Variants in GPR155 observed in about 807,000 individuals in gnomAD.
GPR155 encodes lysosomal cholesterol signaling protein.
In GPR155, 65 loss-of-function variants were observed where a neutral mutation model predicts 93.1. The ratio of observed to expected loss-of-function variants is 0.70; its 90% CI spans 0.57 to 0.86. GPR155 has a LOEUF of 0.86. Ranked by LOEUF, GPR155 falls within the 40% of genes least tolerant of loss-of-function variation. The probability of loss-of-function intolerance (pLI) is 0.00; values close to 1 mark genes in which losing one functional copy is unlikely to be tolerated. For synonymous variants in GPR155, 319 were observed against 360.1 expected (o/e 0.89, Z 1.29); for missense variants, 838 against 1,034.8 (o/e 0.81, Z 2.61).
intron 12 of GPR155, 157 bp from the exon 13 acceptor site, chr2:174,445,333 A>G: frequency 1.8e-6 from 1 of 567,038 alleles, no homozygotes; most frequent in Non-Finnish European, 3.1e-6. Flanking sequence ...TCTTTTCAAT[A>G]AGAAAGTTTC....
rs548818097 is a variant in GPR155, at chr2:174,483,670, C to T, written c.-31-1683G>A. Among the ~76,000 whole-genome samples the T allele has an allele frequency of 1.5e-3, 229 of 152,092 alleles. 3 individuals are homozygous for T. Among genetic ancestry groups the T allele is most frequent in the East Asian group, 5.6e-3 (29 of 5,184 alleles). ...CGTGATTGCGGCTCACCTCAACCTC[C>T]GCCTCCCAGGTTCAAGAGATTCTCC... On this transcript the variant is annotated intron_variant, in intron 1 of 15. Transcript: ENST00000392552.
At chr2:174,485,809 T>TA (rs1172104387) in intron 1 of GPR155, among the ~76,000 whole-genome samples, 14 of 147,370 alleles carry the variant, frequency 9.5e-5, no homozygotes, top group Admixed American at 4.0e-4. Context: ...AAGGGAAGTT[T>TA]TAAAAAAAAA....
At chr2:174,477,623 C>T (rs1425337970) in intron 2 of GPR155, among the ~76,000 whole-genome samples, 1 of 152,104 alleles carries the variant, frequency 6.6e-6, no homozygotes, top group Non-Finnish European at 1.5e-5. Context: ...ATTAACATTA[C>T]ATCTTTATCT....
At chr2:174,479,563 A>C (rs1315815207) in intron 2 of GPR155, among the ~76,000 whole-genome samples, 1 of 152,210 alleles carries the variant, frequency 6.6e-6, no homozygotes. Context: ...AAATGAGATA[A>C]GTATATAAGA....
chr2:174,465,378 TA>T (rs949292250), intron 7 of GPR155, among the ~76,000 whole-genome samples: 8 of 152,326 alleles, frequency 5.3e-5, no homozygotes, highest in African/African-American at 1.9e-4. Flanking sequence ...CTTCAAAAGT[TA>T]AGTAATTTGC....
In GPR155 at chr2:174,470,465, T is replaced by C. The variant is rs1687961835; in HGVS notation, c.951A>G (p.Ala317=). The C allele has an allele frequency of 6.2e-7, 1 of 1,613,722 alleles. No individual in the cohort carries two copies. ...CTACAGGAAATACACCATACAGAAA[T>C]GCATAATTTGATAAACTTGTATGGT... ...VVNHTSLSNY[A]FLYGVFPVAP... The change falls in exon 4 of 16, where the codon GCA becomes GCG. Residue 317 remains alanine (A), a synonymous_variant. Coordinates refer to ENST00000392552, the MANE Select transcript of GPR155 (RefSeq NM_152529.7).
intron 12 of GPR155, among the ~76,000 whole-genome samples, chr2:174,446,314 AAAAAAATAAAAAAT>A (rs1164791658): frequency 2.6e-5 from 2 of 77,732 alleles, no homozygotes; most frequent in African/African-American, 8.9e-5. Context: ...CTCAAAAAAA[AAAAAAATAAAAAAT>A]AAAAAGAAAT....
intron 10 of GPR155, among the ~76,000 whole-genome samples, chr2:174,458,512 C>T (rs577981814): frequency 2.0e-5 from 3 of 152,314 alleles, no homozygotes; most frequent in South Asian, 2.1e-4. Flanking sequence ...CAGTTTCTCT[C>T]TTAGCCCTCA....
chr2:174,459,626 C>T (rs1321197941), intron 10 of GPR155, among the ~76,000 whole-genome samples: 1 of 152,170 alleles, frequency 6.6e-6, no homozygotes, highest in Non-Finnish European at 1.5e-5. Flanking sequence ...GGGTGAATCG[C>T]CTGAGCTCAG....
intron 4 of GPR155, among the ~76,000 whole-genome samples, chr2:174,469,348 G>A (rs1687929325): frequency 6.6e-6 from 1 of 151,982 alleles, no homozygotes; most frequent in Admixed American, 6.5e-5. Context: ...TATCCTCTAA[G>A]TTCTAGAAAA....
intron 13 of GPR155, among the ~76,000 whole-genome samples, chr2:174,443,152 C>A (rs545098204): frequency 7.9e-5 from 12 of 152,050 alleles, no homozygotes; most frequent in Middle Eastern, 3.4e-3. Flanking sequence ...TAAACAGTAT[C>A]ACAAAGTGAG....
At chr2:174,463,318 A>G (rs1687753007) in intron 7 of GPR155, among the ~76,000 whole-genome samples, 1 of 152,052 alleles carries the variant, frequency 6.6e-6, no homozygotes, top group African/African-American at 2.4e-5. Flanking sequence ...CTCCTGCCTC[A>G]GCCTCCTGAG....
At chr2:174,484,366 G>A (rs1017915474) in intron 1 of GPR155, among the ~76,000 whole-genome samples, 3 of 152,214 alleles carry the variant, frequency 2.0e-5, no homozygotes, top group African/African-American at 7.2e-5. Context: ...ACTTGGAAAG[G>A]CAGTGCTAAA....
At position 174,470,479 on chromosome 2, in the gene GPR155, A is replaced by C; in HGVS notation, c.937T>G (p.Leu313Val). The change falls in exon 4 of 16, where the codon TTA becomes GTA. Residue 313 changes from leucine to valine, a missense_variant. By Grantham distance (32) the Leu-to-Val change is conservative. Around this residue, in one of 3 missense-constraint regions of GPR155, gnomAD observed 663 missense variants for 790.1 expected, o/e 0.84. Transcript: ENST00000392552. ...KGDSVVNHTS[L>V]SNYAFLYGVF... ...CCATACAGAAATGCATAATTTGATA[A>C]ACTTGTATGGTTCACCACACTGTCG... 1 of 1,613,872 alleles carries C rather than the reference A, an allele frequency of 6.2e-7. No individual in the cohort carries two copies. The highest frequency in any genetic ancestry group is 8.5e-7 in the Non-Finnish European group (1 of 1,179,822).
chr2:174,475,294 C>CAAAAAAAAAAAAA (rs71024809), intron 2 of GPR155, among the ~76,000 whole-genome samples: 5 of 64,314 alleles, frequency 7.8e-5, no homozygotes, highest in African/African-American at 2.9e-4. Context: ...GACTCCGTCT[C>CAAAAAAAAAAAAA]AAAAAAAAAA....
Position 174,435,461 on chromosome 2 carries a change from A to ATTTTATT in GPR155, c.*654_*655insAATAAAA, listed in dbSNP as rs71407115. 1.3e-5 allele frequency: 2 copies of ATTTTATT among 148,416 alleles called. No individual in the cohort carries two copies. The highest frequency in any genetic ancestry group is 5.0e-5 in the African/African-American group (2 of 40,194). 9.2% of individuals were successfully genotyped at this position (148,416 alleles called of 1,614,324 possible). On this transcript the variant is annotated 3_prime_UTR_variant, in exon 16 of 16. Coordinates refer to ENST00000392552, the MANE Select transcript of GPR155 (RefSeq NM_152529.7). ...ATGCAAATACTACACCATTTTATTAATTATTTTATTTTATTTTATTTTATT... is the reference window on the plus strand; with the variant it reads ...ATGCAAATACTACACCATTTTATTAATTTTATTTTATTTTATTTTATTTTATTTTATT...
At chr2:174,468,142 G>A (rs1687894346) in intron 5 of GPR155, among the ~76,000 whole-genome samples, 1 of 152,092 alleles carries the variant, frequency 6.6e-6, no homozygotes, top group South Asian at 2.1e-4. Flanking sequence ...AAATGTATAT[G>A]GTCTCTTTCC....
chr2:174,480,905 G>A (rs542895523), intron 2 of GPR155, among the ~76,000 whole-genome samples: 3 of 152,208 alleles, frequency 2.0e-5, no homozygotes, highest in South Asian at 4.1e-4. Flanking sequence ...GGGTAGCTGG[G>A]ACTACAGCCT....
rs145349124 is a variant in GPR155 at position 174,478,964 on chromosome 2, G to A, written c.460+2533C>T. ...ATAGTTCTACATCACACCTTCCAAC[G>A]TCTAGATATATGAAAAAGCACTCGT... is the stretch of plus-strand genomic sequence containing the variant. On this transcript the variant is annotated intron_variant, in intron 2 of 15. Coordinates refer to ENST00000392552, the MANE Select transcript of GPR155 (RefSeq NM_152529.7). Among the ~76,000 whole-genome samples the A allele has an allele frequency of 6.7e-4, 101 of 151,806 alleles. 1 individual carries two copies. The East Asian group carries it at 0.018, about 27-fold the overall frequency.
Sources: allele counts gnomAD v4.1 joint callset (sites outside exome capture counted in the v4.1 genomes callset), GRCh38; gene constraint gnomAD v4.1.1; regional missense constraint gnomAD v4.1.1; transcripts MANE v1.5; gene names NCBI Gene and HGNC (gene_info 2026-07-23, HGNC 2026-07-21).